The following CR1 variants were observed in gnomAD, a reference collection of about 807,000 sequenced individuals.
CR1 encodes complement C3b/C4b receptor 1 (Knops blood group), also known as complement receptor type 1.
A neutral mutation model predicts 187.3 loss-of-function variants in CR1; 116 were observed. The observed-to-expected ratio is 0.62, with a 90% CI of 0.53 to 0.72. CR1 has a LOEUF of 0.72. Among genes scored for constraint, CR1 ranks in the 30% least tolerant of loss-of-function variants. CR1 has a pLI of 0.00. For missense variants in CR1, 1,731 were observed against 2,110.7 expected (o/e 0.82, Z 3.52); for synonymous variants, 576 against 747.1 (o/e 0.77, Z 3.73).
intron 4 of CR1, among the ~76,000 whole-genome samples, chr1:207,513,710 C>T (rs1014044310): frequency 1.3e-5 from 2 of 151,164 alleles, no homozygotes; most frequent in African/African-American, 2.4e-5. Context: ...TCTTTTCTTT[C>T]TTTCCTTCCC....
chr1:207,516,918 T>G (rs1426579814), intron 4 of CR1, among the ~76,000 whole-genome samples: 1 of 152,154 alleles, frequency 6.6e-6, no homozygotes, highest in Non-Finnish European at 1.5e-5. Flanking sequence ...TTTCCTTTCT[T>G]ATGTCTTTTG....
Position 207,619,958 on chromosome 1 carries a change from A to G in CR1, c.7145A>G (p.Asp2382Gly). 1 of 1,612,922 alleles carries G rather than the reference A, an allele frequency of 6.2e-7. No individual in the cohort carries two copies. ...ATGAAAAAAGTATATCACTATGGAG[A>G]TTATGTGACTTTGAAGTGTGAAGAT... is the stretch of plus-strand genomic sequence containing the variant. ...LEMKKVYHYG[D>G]YVTLKCEDGY... The change falls in exon 43 of 47, where the codon GAT becomes GGT. Residue 2382 changes from aspartate (D) to glycine (G), a missense_variant. Asp to Gly is a moderately conservative substitution (Grantham distance 94, BLOSUM62 -1). Coordinates refer to ENST00000367049, the MANE Select transcript of CR1 (RefSeq NM_000651.6).
At chr1:207,634,484 G>T (rs1473816673) in intron 46 of CR1, among the ~76,000 whole-genome samples, 1 of 152,146 alleles carries the variant, frequency 6.6e-6, no homozygotes, top group Non-Finnish European at 1.5e-5. Flanking sequence ...GAGTAAAGAG[G>T]CAGGCTCCAA....
chr1:207,580,176 T>A (rs564328461), intron 29 of CR1, 64 bp from the exon 30 acceptor site: 2 of 1,583,902 alleles, frequency 1.3e-6, no homozygotes, highest in East Asian at 4.5e-5. Flanking sequence ...AGCTATGAGG[T>A]CTTCAGGAAG....
chr1:207,615,546 A>T (rs982755147), intron 40 of CR1, among the ~76,000 whole-genome samples: 1 of 152,238 alleles, frequency 6.6e-6, no homozygotes, highest in Non-Finnish European at 1.5e-5. Context: ...ATAAAAGTAC[A>T]TGTTTGACAT....
intron 37 of CR1, among the ~76,000 whole-genome samples, chr1:207,610,919 A>C (rs1661908147): frequency 6.6e-6 from 1 of 152,184 alleles, no homozygotes; most frequent in African/African-American, 2.4e-5. Context: ...TTAAGCATTT[A>C]TCCTTTGTGT....
intron 33 of CR1, 136 bp downstream of exon 33, chr1:207,585,012 A>G: frequency 3.7e-6 from 5 of 1,368,034 alleles, no homozygotes; most frequent in Non-Finnish European, 4.0e-6. Context: ...ATTACATACC[A>G]TAGCTAAAAC....
In CR1 at chr1:207,496,239, A is replaced by G. The variant is rs755629620; in HGVS notation, c.-29A>G. The G allele has an allele frequency of 6.2e-7, 1 of 1,613,648 alleles. No individual in the cohort carries two copies. The highest frequency in any genetic ancestry group is 8.5e-7 in the Non-Finnish European group (1 of 1,179,802). The stretch of plus-strand genomic sequence containing the variant: ...CTTATTTCAGTTTTCTTCGAGATCA[A>G]ATCTGGTTTGTAGATGTGCTTGGGG... On this transcript the variant is annotated 5_prime_UTR_variant, in exon 1 of 47. Transcript: ENST00000367049.
chr1:207,510,410 A>G (rs1002870118), intron 3 of CR1, among the ~76,000 whole-genome samples: 1 of 152,222 alleles, frequency 6.6e-6, no homozygotes, highest in African/African-American at 2.4e-5. Flanking sequence ...AGGTTTTCTT[A>G]CATACTCATA....
At chr1:207,523,066 G>T (rs150027813) in intron 4 of CR1, among the ~76,000 whole-genome samples, 213 of 152,070 alleles carry the variant, frequency 1.4e-3, no homozygotes, top group African/African-American at 5.0e-3. Context: ...ATGAATTTTG[G>T]TAATTTGTAT....
chr1:207,593,268 C>T (rs1415853806), intron 35 of CR1, among the ~76,000 whole-genome samples: 1 of 151,982 alleles, frequency 6.6e-6, no homozygotes, highest in Non-Finnish European at 1.5e-5. Flanking sequence ...ATATATAGAC[C>T]AATGGAACAG....
chr1:207,618,742 A>G (rs1470495234), intron 42 of CR1, among the ~76,000 whole-genome samples: 2 of 152,136 alleles, frequency 1.3e-5, no homozygotes, highest in African/African-American at 4.8e-5. Flanking sequence ...AAAACAAAGG[A>G]TAAGTTAAAC....
chr1:207,580,001 G>A (rs987435886), intron 29 of CR1, among the ~76,000 whole-genome samples: 19 of 152,108 alleles, frequency 1.2e-4, no homozygotes, highest in African/African-American at 3.6e-4. Context: ...GGTACAAATC[G>A]GGATTACCTT....
At chr1:207,505,243 T>C (rs770025189) in intron 1 of CR1, among the ~76,000 whole-genome samples, 9 of 152,182 alleles carry the variant, frequency 5.9e-5, no homozygotes, top group African/African-American at 9.7e-5. Flanking sequence ...AACATCTGCC[T>C]CCTGGGTTCA....
intron 35 of CR1, among the ~76,000 whole-genome samples, chr1:207,602,287 A>C (rs1202798475): frequency 6.6e-6 from 1 of 152,186 alleles, no homozygotes; most frequent in Admixed American, 6.5e-5. Flanking sequence ...CATAGAAATA[A>C]AATTATAGCC....
chr1:207,641,078 A>G lies in CR1; in HGVS notation c.*1669A>G, dbSNP rs979208047. ...CAAAGGACATACAGCTAGGTCACCA[A>G]GAAAGAAGGGCAAATAGGTGGTGAG... is the stretch of plus-strand genomic sequence containing the variant. On this transcript the variant is annotated 3_prime_UTR_variant, in exon 47 of 47. Coordinates refer to ENST00000367049, the MANE Select transcript of CR1 (RefSeq NM_000651.6). 1.3e-5 allele frequency: 2 copies of G among 152,256 alleles called. No individual in the cohort carries two copies. The highest frequency in any genetic ancestry group is 3.8e-4 in the East Asian group (2 of 5,204). The allele number at this position is 152,256 out of a possible 1,614,324, so 9.4% of individuals were successfully genotyped here. A position where few individuals can be genotyped will look rare whatever the true frequency, so the allele number is the denominator to read the frequency against.
intron 4 of CR1, among the ~76,000 whole-genome samples, chr1:207,513,547 T>TC (rs1435454536): frequency 6.6e-6 from 1 of 152,204 alleles, no homozygotes; most frequent in Admixed American, 6.5e-5. Context: ...TTGCTTAACT[T>TC]CTGCCTCTCA....
intron 1 of CR1, 114 bp from the exon 2 acceptor site, chr1:207,505,790 A>T (rs1659408944): frequency 3.5e-5 from 41 of 1,168,768 alleles, no homozygotes; most frequent in Middle Eastern, 2.0e-4. Flanking sequence ...GAGCCAAGAT[A>T]GCGCCACTGC....
intron 41 of CR1, among the ~76,000 whole-genome samples, chr1:207,617,619 A>AT (rs1486730529): frequency 2.7e-3 from 34 of 12,798 alleles, no homozygotes; most frequent in African/African-American, 0.011. Flanking sequence ...ATATAGAGAG[A>AT]GAGAGAGAGA....
Sources: allele counts gnomAD v4.1 joint callset (sites outside exome capture counted in the v4.1 genomes callset), GRCh38; gene constraint gnomAD v4.1.1; transcripts MANE v1.5; gene names NCBI Gene and HGNC (gene_info 2026-07-23, HGNC 2026-07-21).